Variants in F13A1 observed in about 807,000 individuals in gnomAD.
F13A1 encodes the protein FSF, A subunit.
F13A1 carries 47 observed loss-of-function variants against 80.1 expected under a neutral mutation model. The ratio of observed to expected loss-of-function variants is 0.59; its 90% confidence interval spans 0.46 to 0.75. F13A1 has a LOEUF of 0.75. Among genes scored for constraint, F13A1 ranks in the 30% least tolerant of loss-of-function variants. The probability of loss-of-function intolerance (pLI) is 0.00; values close to 1 mark genes in which losing one functional copy is unlikely to be tolerated. For synonymous variants in F13A1, 349 were observed against 344.9 expected (o/e 1.01, Z -0.13); for missense variants, 817 against 930.4 (o/e 0.88, Z 1.59).
intron 13 of F13A1, among the ~76,000 whole-genome samples, chr6:6,153,670 C>T (rs148728063): frequency 1.3e-5 from 2 of 152,146 alleles, no homozygotes; most frequent in South Asian, 2.1e-4. Flanking sequence ...CAGCATGGAT[C>T]GTGTGCCAGG....
At chr6:6,296,958 G>C (rs1267845) in intron 3 of F13A1, among the ~76,000 whole-genome samples, 27,040 of 141,876 alleles carry the variant, frequency 0.19, 3,129 homozygotes, top group East Asian at 0.46. Flanking sequence ...TAGCATGAAG[G>C]GTTGTTGAAT....
At chr6:6,316,119 A>G (rs1171224382) in intron 2 of F13A1, among the ~76,000 whole-genome samples, 2 of 55,758 alleles carry the variant, frequency 3.6e-5, no homozygotes, top group Admixed American at 3.7e-4. Context: ...ATATATATAT[A>G]TATATATATA....
intron 4 of F13A1, among the ~76,000 whole-genome samples, chr6:6,260,577 T>C (rs959168304): frequency 3.3e-5 from 5 of 152,180 alleles, no homozygotes; most frequent in African/African-American, 9.7e-5. Flanking sequence ...GGCTACAGTG[T>C]ATGTGCTTGT....
intron 6 of F13A1, among the ~76,000 whole-genome samples, chr6:6,230,453 G>A (rs1465507302): frequency 2.0e-5 from 3 of 152,106 alleles, no homozygotes; most frequent in Non-Finnish European, 2.9e-5. Flanking sequence ...CCCAAGGAGA[G>A]TCTGACCTCA....
chr6:6,159,165 T>G (rs1760531152), intron 13 of F13A1, among the ~76,000 whole-genome samples: 1 of 152,098 alleles, frequency 6.6e-6, no homozygotes, highest in Non-Finnish European at 1.5e-5. Context: ...CCTCCCAAAG[T>G]GCTGGGATTA....
At chr6:6,254,153 A>T (rs1295243908) in intron 4 of F13A1, among the ~76,000 whole-genome samples, 1 of 152,208 alleles carries the variant, frequency 6.6e-6, no homozygotes, top group East Asian at 1.9e-4. Context: ...CAAATGATTA[A>T]CCACCAGTGC....
intron 2 of F13A1, among the ~76,000 whole-genome samples, chr6:6,313,538 T>G (rs1020424672): frequency 1.3e-5 from 2 of 152,218 alleles, no homozygotes; most frequent in Non-Finnish European, 2.9e-5. Flanking sequence ...TGATTATACC[T>G]GTCACAGATG....
rs758447344 is a variant in F13A1, at chr6:6,224,880, G to T, written c.799-20C>A. The T allele has an allele frequency of 2.5e-6, 4 of 1,613,850 alleles. No homozygotes were observed. The highest frequency in any genetic ancestry group is 2.5e-6 in the Non-Finnish European group (3 of 1,179,782). The stretch of plus-strand genomic sequence containing the variant: ...ATTCACCTAAATGAGTCCGTGAGAA[G>T]TGAGAAGGAAGAAAGTTCATTTAGG... On this transcript the variant is annotated intron_variant, in intron 6 of 14. Coordinates refer to ENST00000264870, the MANE Select transcript of F13A1 (RefSeq NM_000129.4).
At chr6:6,283,546 T>A (rs770323109) in intron 3 of F13A1, among the ~76,000 whole-genome samples, 1 of 152,200 alleles carries the variant, frequency 6.6e-6, no homozygotes, top group African/African-American at 2.4e-5. Flanking sequence ...AAACAGTTCT[T>A]TGTATGGTTT....
intron 10 of F13A1, among the ~76,000 whole-genome samples, chr6:6,190,019 C>T (rs905780205): frequency 6.6e-6 from 1 of 152,182 alleles, no homozygotes; most frequent in African/African-American, 2.4e-5. Flanking sequence ...ATCGCATCGG[C>T]TCCTGAGGCT....
intron 6 of F13A1, among the ~76,000 whole-genome samples, chr6:6,236,553 T>C (rs1468846226): frequency 6.6e-6 from 1 of 152,170 alleles, no homozygotes; most frequent in Non-Finnish European, 1.5e-5. Flanking sequence ...CGCAGACCTT[T>C]ACATTTTGTA....
At chr6:6,248,807 G>A (rs575785765) in intron 5 of F13A1, among the ~76,000 whole-genome samples, 37 of 152,190 alleles carry the variant, frequency 2.4e-4, no homozygotes, top group Non-Finnish European at 3.7e-4. Flanking sequence ...TTAGGACCTC[G>A]AAAGTAATGT....
intron 13 of F13A1, among the ~76,000 whole-genome samples, chr6:6,152,267 G>A (rs561430328): frequency 5.9e-5 from 9 of 152,210 alleles, no homozygotes; most frequent in Non-Finnish European, 8.8e-5. Context: ...ACGTTTCCAC[G>A]GTGAGGGCGG....
chr6:6,229,132 A>C (rs768717310), intron 6 of F13A1, among the ~76,000 whole-genome samples: 2 of 152,242 alleles, frequency 1.3e-5, no homozygotes, highest in Admixed American at 1.3e-4. Context: ...AATTTCATTT[A>C]TTACAGCAAA....
chr6:6,309,469 AAAG>A lies in F13A1; in HGVS notation c.131-3933_131-3931del, dbSNP rs951378534. On this transcript the variant is annotated intron_variant, in intron 2 of 14. Coordinates refer to ENST00000264870, the MANE Select transcript of F13A1 (RefSeq NM_000129.4). The stretch of plus-strand genomic sequence containing the variant: ...GTGGAGAGGAATGCTTCAGGCGGAG[AAAG>A]AAGGATAGGTGAAGACTGAGGCAAG... Among the ~76,000 whole-genome samples the A allele has an allele frequency of 1.9e-4, 29 of 152,164 alleles. 1 individual carries two copies. Among genetic ancestry groups the A allele is most frequent in the Non-Finnish European group, 1.5e-5 (1 of 68,024 alleles).
At chr6:6,295,374 G>T (rs1165155526) in intron 3 of F13A1, among the ~76,000 whole-genome samples, 1 of 144,264 alleles carries the variant, frequency 6.9e-6, no homozygotes, top group Non-Finnish European at 1.5e-5. Context: ...GTGTAAAATT[G>T]TTCCTATTTC....
At chr6:6,264,205 G>A (rs556945395) in intron 4 of F13A1, among the ~76,000 whole-genome samples, 11 of 152,212 alleles carry the variant, frequency 7.2e-5, no homozygotes, top group East Asian at 1.9e-4. Flanking sequence ...CCCTTTTCCC[G>A]TCAAGAAGAG....
intron 10 of F13A1, among the ~76,000 whole-genome samples, chr6:6,184,671 T>C (rs1761045762): frequency 6.6e-6 from 1 of 152,222 alleles, no homozygotes; most frequent in Non-Finnish European, 1.5e-5. Context: ...AAATAACTTC[T>C]TAATAACAAT....
intron 3 of F13A1, among the ~76,000 whole-genome samples, chr6:6,277,450 C>A (rs1758004139): frequency 6.6e-6 from 1 of 152,000 alleles, no homozygotes; most frequent in South Asian, 2.1e-4. Context: ...GTCATGAACC[C>A]CTGCATTTAA....
Sources: gnomAD v4.1 joint callset for allele counts (sites outside exome capture counted in the v4.1 genomes callset) on GRCh38, gnomAD v4.1.1 for gene constraint, MANE v1.5 for transcripts, NCBI Gene and HGNC (gene_info 2026-07-23, HGNC 2026-07-21) for gene names.